Variants in HM13 observed in about 807,000 individuals in gnomAD.
HM13 encodes the protein histocompatibility minor 13.
A neutral mutation model predicts 50.0 loss-of-function variants in HM13; 18 were observed. The observed-to-expected ratio is 0.36, with a 90% CI of 0.25 to 0.53. HM13 has a LOEUF of 0.53. HM13 is among the 20% of genes least tolerant of loss of function. The pLI is 0.90. For missense variants in HM13, 393 were observed against 552.4 expected, an observed-to-expected ratio of 0.71 and a Z score of 2.89; for synonymous variants, 197 against 232.6, an observed-to-expected ratio of 0.85 and a Z score of 1.39.
At chr20:31,516,428 C>G (rs137862431) in intron 1 of HM13, among the ~76,000 whole-genome samples, 1 of 152,032 alleles carries the variant, frequency 6.6e-6, no homozygotes, top group African/African-American at 2.4e-5. Context: ...CCAAGGAATT[C>G]GGGAGCGTAG....
intron 12 of HM13, 155 bp downstream of exon 12, chr20:31,568,379 C>G: frequency 1.8e-6 from 2 of 1,119,014 alleles, no homozygotes. Flanking sequence ...AGTGGTTGCA[C>G]CGAGCCATAG....
intron 5 of HM13, 21 bp downstream of exon 5, chr20:31,549,135 C>G (rs762675679): frequency 6.2e-7 from 1 of 1,613,738 alleles, no homozygotes; most frequent in East Asian, 2.2e-5. Context: ...AGGACCTGGG[C>G]AGAAGGGGAG....
chr20:31,517,082 C>T (rs1237375456), intron 1 of HM13, among the ~76,000 whole-genome samples: 1 of 152,072 alleles, frequency 6.6e-6, no homozygotes, highest in Non-Finnish European at 1.5e-5. Context: ...CAAATGACTC[C>T]CCTTCTACCC....
chr20:31,569,118 A>G lies in HM13; in HGVS notation c.1182-2A>G. Reference sequence around the variant, plus strand: ...TATTGTTGTTTTTTTTTTTTTGGTCAGTTATGAGGAGTCAAATCCTAAGGA... The same window carrying G: ...TATTGTTGTTTTTTTTTTTTTGGTCGGTTATGAGGAGTCAAATCCTAAGGA... On this transcript the variant is annotated splice_acceptor_variant, in intron 12 of 12. Transcript: ENST00000398174. LOFTEE classifies it high-confidence loss of function. The G allele has an allele frequency of 6.7e-7, 1 of 1,489,440 alleles. No homozygotes were observed. Among genetic ancestry groups the G allele is most frequent in the Non-Finnish European group, 9.0e-7 (1 of 1,111,844 alleles). The allele number at this position is 1,489,440 out of a possible 1,614,324, so 92.3% of individuals were successfully genotyped here. A position where few individuals can be genotyped will look rare whatever the true frequency, so the allele number is the denominator to read the frequency against.
At chr20:31,548,862 C>T in intron 4 of HM13, 167 bp from the exon 5 acceptor site, 1 of 682,166 alleles carries the variant, frequency 1.5e-6, no homozygotes, top group Non-Finnish European at 2.6e-6. Context: ...CTCCAGTGAG[C>T]TCTCCCCTTC....
chr20:31,551,112 A>AT (rs1363351539), intron 7 of HM13, among the ~76,000 whole-genome samples: 4 of 152,254 alleles, frequency 2.6e-5, no homozygotes, highest in African/African-American at 9.6e-5. Context: ...ATATGCAAAT[A>AT]TTCCAGAATT....
At chr20:31,566,167 T>C in intron 10 of HM13, 43 bp from the exon 11 acceptor site, 1 of 1,485,196 alleles carries the variant, frequency 6.7e-7, no homozygotes, top group East Asian at 2.3e-5. Context: ...CCTGAGGCAG[T>C]GCCGTGCCCA....
chr20:31,568,402 GGACAAC>G (rs1985055997), intron 12 of HM13, 178 bp downstream of exon 12: 1 of 882,274 alleles, frequency 1.1e-6, no homozygotes. Context: ...CTGGGAAGCA[GGACAAC>G]CCCGAAGCTT....
In HM13 at chr20:31,549,023, G is replaced by C. The variant is rs181374249; in HGVS notation, c.455-6G>C. The C allele has an allele frequency of 3.3e-4, 533 of 1,614,060 alleles. No homozygotes were observed. Among genetic ancestry groups the C allele is most frequent in the Middle Eastern group, 4.9e-4 (3 of 6,062 alleles). Reference sequence around the variant, plus strand: ...GGGAGTGGACTTACCTGGCCTCTCTGCTCAGAGATCATCAATTATGAATTT... The same window carrying C: ...GGGAGTGGACTTACCTGGCCTCTCTCCTCAGAGATCATCAATTATGAATTT... On this transcript the variant is annotated splice_polypyrimidine_tract_variant and splice_region_variant and intron_variant, in intron 4 of 12. Transcript: ENST00000398174.
At chr20:31,555,326 ACT>A in intron 8 of HM13, among the ~76,000 whole-genome samples, 1 of 152,166 alleles carries the variant, frequency 6.6e-6, no homozygotes, top group African/African-American at 2.4e-5. Flanking sequence ...TCCTGTCTGC[ACT>A]CTCAGCAGAG....
chr20:31,569,357 AGGCCTCTGT>A lies in HM13; in HGVS notation c.*148_*156del. ...AGGGGGCAGCAGGATACCTCCAGCCAGGCCTCTGTGGCCTCTGTTTCCTTCTCCCTTTCT... is the reference window on the plus strand; with the variant it reads ...AGGGGGCAGCAGGATACCTCCAGCCAGGCCTCTGTTTCCTTCTCCCTTTCT... On this transcript the variant is annotated 3_prime_UTR_variant, in exon 13 of 13. Coordinates refer to ENST00000398174, the MANE Select transcript of HM13 (RefSeq NM_178581.3). The A allele has an allele frequency of 1.8e-6, 1 of 560,754 alleles. No homozygotes were observed. Among genetic ancestry groups the A allele is most frequent in the African/African-American group, 1.9e-5 (1 of 52,678 alleles). 34.7% of individuals were successfully genotyped at this position (560,754 alleles called of 1,614,324 possible). A position where few individuals can be genotyped will look rare whatever the true frequency, so the allele number is the denominator to read the frequency against.
At chr20:31,552,718 G>T (rs765506973) in intron 7 of HM13, among the ~76,000 whole-genome samples, 8 of 152,170 alleles carry the variant, frequency 5.3e-5, no homozygotes, top group Non-Finnish European at 1.0e-4. Flanking sequence ...GTAAAATGGT[G>T]ACAATAGTCT....
chr20:31,568,999 T>C (rs1447700295), intron 12 of HM13, 121 bp from the exon 13 acceptor site: 5 of 668,298 alleles, frequency 7.5e-6, no homozygotes, highest in Non-Finnish European at 1.3e-5. Context: ...GACACAGGGC[T>C]GACGCTCTGC....
At chr20:31,561,545 A>G (rs187376484) in intron 9 of HM13, 89 bp from the exon 10 acceptor site, 764 of 901,238 alleles carry the variant, frequency 8.5e-4, no homozygotes, top group Non-Finnish European at 1.0e-3. Flanking sequence ...CACAACCTCT[A>G]GGGTCTTCCC....
At chr20:31,547,967 T>C (rs777755001) in intron 4 of HM13, 121 of 1,541,316 alleles carry the variant, frequency 7.9e-5, no homozygotes, top group Admixed American at 1.5e-4. Context: ...GCAGAAGATA[T>C]TGAGAAAGTC....
At chr20:31,525,119 G>T (rs1982411576) in intron 1 of HM13, among the ~76,000 whole-genome samples, 1 of 152,170 alleles carries the variant, frequency 6.6e-6, no homozygotes, top group East Asian at 1.9e-4. Flanking sequence ...CTTTAGGCCA[G>T]TGCTGTCTAT....
At chr20:31,532,294 A>T (rs1438471255) in intron 2 of HM13, among the ~76,000 whole-genome samples, 1 of 152,094 alleles carries the variant, frequency 6.6e-6, no homozygotes, top group Admixed American at 6.5e-5. Flanking sequence ...GTGTGGTGGC[A>T]CACGCCTGTA....
chr20:31,534,959 G>A (rs559077190), intron 2 of HM13, among the ~76,000 whole-genome samples: 11 of 151,940 alleles, frequency 7.2e-5, no homozygotes, highest in Non-Finnish European at 1.0e-4. Flanking sequence ...GGTGGCAGGC[G>A]CCTGTAGTCC....
chr20:31,514,499 C>G lies in HM13; in HGVS notation c.-53C>G. ...CCTGCAGAGCCGGTGTCTCCGCCTG[C>G]GTCCCTGCTGCAGCAACCGGAGCTG... On this transcript the variant is annotated 5_prime_UTR_variant, in exon 1 of 13. Transcript: ENST00000398174. The surrounding 1 kb of genome is among the most constrained non-coding windows in gnomAD (Gnocchi z 4.3). 1.3e-6 allele frequency: 2 copies of G among 1,559,046 alleles called. No homozygotes were observed. Among genetic ancestry groups the G allele is most frequent in the Non-Finnish European group, 1.7e-6 (2 of 1,150,898 alleles).
Sources: gnomAD v4.1 joint callset for allele counts (sites outside exome capture counted in the v4.1 genomes callset) on GRCh38, gnomAD v4.1.1 for gene constraint, Gnocchi (gnomAD v3.1) non-coding constraint, MANE v1.5 for transcripts, NCBI Gene and HGNC (gene_info 2026-07-23, HGNC 2026-07-21) for gene names.